STXBP4: variants seen among roughly 807,000 people sequenced by gnomAD.
STXBP4 encodes syntaxin-binding protein 4.
A neutral mutation model predicts 76.1 loss-of-function variants in STXBP4; 55 were observed. That is an observed-to-expected ratio of 0.72 (90% CI 0.58 to 0.91). The LOEUF (loss-of-function observed/expected upper bound fraction) is 0.91. STXBP4 is among the 40% of genes least tolerant of loss of function. The probability of loss-of-function intolerance (pLI) is 0.00; values close to 1 mark genes in which losing one functional copy is unlikely to be tolerated. For missense variants in STXBP4, 618 were observed against 636.9 expected, an observed-to-expected ratio of 0.97 and a Z score of 0.32; for synonymous variants, 201 against 220.2, an observed-to-expected ratio of 0.91 and a Z score of 0.77.
intron 1 of STXBP4, among the ~76,000 whole-genome samples, chr17:54,977,649 C>T (rs1024252574): frequency 1.8e-4 from 28 of 152,094 alleles, no homozygotes; most frequent in African/African-American, 6.8e-4. Flanking sequence ...TAAAAATGAT[C>T]AGTTAAGTTT....
chr17:55,181,651 C>T, the STXBP4 span, among the ~76,000 whole-genome samples: 1 of 152,062 alleles, frequency 6.6e-6, no homozygotes, highest in Non-Finnish European at 1.5e-5. Context: ...ATTAGAAAAT[C>T]CGGACTTAAA....
intron 16 of STXBP4, among the ~76,000 whole-genome samples, chr17:55,103,064 C>T (rs2079585744): frequency 6.6e-6 from 1 of 152,036 alleles, no homozygotes; most frequent in African/African-American, 2.4e-5. Flanking sequence ...GAAAAATGTT[C>T]TCCCATTCTG....
intron 1 of STXBP4, among the ~76,000 whole-genome samples, chr17:54,970,954 G>C (rs2077391299): frequency 1.3e-5 from 2 of 148,408 alleles, no homozygotes; most frequent in South Asian, 4.3e-4. Flanking sequence ...GACAGTTCAT[G>C]TTTATGAAAT....
Position 55,076,703 on chromosome 17 carries a change from G to A in STXBP4, c.1189-1375G>A, listed in dbSNP as rs1171193485. Among the ~76,000 whole-genome samples, 11 of 152,074 alleles carry A rather than the reference G, an allele frequency of 7.2e-5. No homozygotes were observed. The East Asian group carries it at 2.1e-3, about 29-fold the overall frequency. ...AAGAGCAATGTCTTCTGCCATTTCTGGAAATCACTAAGCTATTATCCTGAG... is the reference window on the plus strand; with the variant it reads ...AAGAGCAATGTCTTCTGCCATTTCTAGAAATCACTAAGCTATTATCCTGAG... On this transcript the variant is annotated intron_variant, in intron 13 of 17. Coordinates refer to ENST00000376352, the MANE Select transcript of STXBP4 (RefSeq NM_178509.6).
At chr17:55,114,357 T>A (rs2079757978) in intron 16 of STXBP4, among the ~76,000 whole-genome samples, 1 of 152,068 alleles carries the variant, frequency 6.6e-6, no homozygotes. Flanking sequence ...AAGTCAAATA[T>A]GGCCTGGATC....
intron 16 of STXBP4, among the ~76,000 whole-genome samples, chr17:55,138,825 A>G (rs2080063722): frequency 6.6e-6 from 1 of 152,076 alleles, no homozygotes; most frequent in African/African-American, 2.4e-5. Context: ...CAGAAGTCCT[A>G]TTTTTGTATA....
chr17:55,038,880 C>T (rs2078648452), intron 10 of STXBP4, among the ~76,000 whole-genome samples: 1 of 151,982 alleles, frequency 6.6e-6, no homozygotes. Context: ...CCATTTTAAA[C>T]AAGTGAAATA....
intron 17 of STXBP4, among the ~76,000 whole-genome samples, chr17:55,153,914 G>C (rs1014643802): frequency 6.6e-6 from 1 of 152,086 alleles, no homozygotes; most frequent in African/African-American, 2.4e-5. Flanking sequence ...TAGAAAGATA[G>C]GCTTTTAGTT....
intron 4 of STXBP4, among the ~76,000 whole-genome samples, chr17:54,996,173 A>G (rs2077798971): frequency 1.3e-5 from 2 of 151,262 alleles, no homozygotes; most frequent in African/African-American, 4.9e-5. Context: ...AACTTCCAGC[A>G]GAGATAGTGT....
chr17:55,010,249 C>CAT lies in STXBP4; in HGVS notation c.666+2666_666+2667dup, dbSNP rs10562786. On this transcript the variant is annotated intron_variant, in intron 8 of 17. Transcript: ENST00000376352. ...AGGAAATTACCTGTCAAGACAATGT[C>CAT]ATATATATATATATACACACATACA... is the stretch of plus-strand genomic sequence containing the variant. 1.1e-3 allele frequency among the ~76,000 whole-genome samples: 162 copies of CAT among 150,382 alleles called. 1 individual carries two copies. Among genetic ancestry groups the CAT allele is most frequent in the Middle Eastern group, 0.01 (3 of 290 alleles).
rs1208957647 is a variant in STXBP4 at position 55,089,025 on chromosome 17, C to T, written c.1489+7842C>T. Among the ~76,000 whole-genome samples the T allele has an allele frequency of 2.0e-5, 3 of 152,164 alleles. No individual in the cohort carries two copies. In the East Asian group the frequency reaches 5.8e-4, roughly 29 times the overall value. On this transcript the variant is annotated intron_variant, in intron 16 of 17. Coordinates refer to ENST00000376352, the MANE Select transcript of STXBP4 (RefSeq NM_178509.6). ...CTTAGAGATGCTCCACAGAGCACCC[C>T]AATTGTTCATCCAATTTCATTGGCC...
downstream of STXBP4, among the ~76,000 whole-genome samples, chr17:55,178,077 A>T (rs1246094583): frequency 4.6e-5 from 7 of 152,326 alleles, 1 homozygote; most frequent in East Asian, 1.3e-3. Context: ...ATTGGAGCTT[A>T]ATGGAGATGA....
chr17:55,015,727 G>T (rs2078196267), intron 8 of STXBP4, among the ~76,000 whole-genome samples: 1 of 151,610 alleles, frequency 6.6e-6, no homozygotes, highest in African/African-American at 2.4e-5. Flanking sequence ...GGTTGAAAGG[G>T]GGTCCTTATT....
At chr17:55,131,727 A>G (rs1319485087) in intron 16 of STXBP4, among the ~76,000 whole-genome samples, 2 of 152,050 alleles carry the variant, frequency 1.3e-5, no homozygotes, top group Admixed American at 6.6e-5. Flanking sequence ...CTGGCCCCTT[A>G]ATATTTTTAT....
At chr17:55,114,791 A>G (rs909597364) in intron 16 of STXBP4, among the ~76,000 whole-genome samples, 21 of 152,014 alleles carry the variant, frequency 1.4e-4, no homozygotes, top group Non-Finnish European at 1.9e-4. Context: ...TTGAAAACAA[A>G]AAGAAGCCCT....
At chr17:55,154,688 T>C (rs1216799873) in intron 17 of STXBP4, among the ~76,000 whole-genome samples, 3 of 152,270 alleles carry the variant, frequency 2.0e-5, no homozygotes, top group Non-Finnish European at 2.9e-5. Context: ...CAATCCAGCC[T>C]GTGGATATTA....
intron 17 of STXBP4, among the ~76,000 whole-genome samples, chr17:55,141,852 C>T (rs2145151876): frequency 6.6e-6 from 1 of 152,218 alleles, no homozygotes; most frequent in South Asian, 2.1e-4. Flanking sequence ...AATATATAGA[C>T]TGGTTTCTTG....
At chr17:55,050,297 A>G (rs78506914) in intron 12 of STXBP4, among the ~76,000 whole-genome samples, 3,187 of 152,198 alleles carry the variant, frequency 0.021, 85 homozygotes, top group East Asian at 0.15. Flanking sequence ...TTATATAGAA[A>G]AATAGGCAAA....
At chr17:54,974,445 C>A (rs1033864220) in intron 1 of STXBP4, among the ~76,000 whole-genome samples, 1 of 152,168 alleles carries the variant, frequency 6.6e-6, no homozygotes, top group Admixed American at 6.5e-5. Context: ...AGGAACTACT[C>A]CGTTTAAAAG....
Sources: gnomAD v4.1 joint callset for allele counts (sites outside exome capture counted in the v4.1 genomes callset) on GRCh38, gnomAD v4.1.1 for gene constraint, MANE v1.5 for transcripts, NCBI Gene and HGNC (gene_info 2026-07-23, HGNC 2026-07-21) for gene names.